DCDC2: variants seen among roughly 807,000 people sequenced by gnomAD.
The protein encoded by DCDC2 is doublecortin domain-containing protein 2.
In DCDC2, 40 loss-of-function variants were observed where a neutral mutation model predicts 50.2. That is an observed-to-expected ratio of 0.80 (90% confidence interval 0.62 to 1.04). The LOEUF is 1.04. Ranked by LOEUF, DCDC2 falls within the 50% of genes least tolerant of loss-of-function variation. The pLI, the probability that DCDC2 is intolerant of heterozygous loss-of-function variation, is 0.00. For missense variants in DCDC2, 570 were observed against 581.9 expected, an observed-to-expected ratio of 0.98 and a Z score of 0.21; for synonymous variants, 234 against 210.6, an observed-to-expected ratio of 1.11 and a Z score of -0.96.
At position 24,357,773 on chromosome 6, in the gene DCDC2, AGCTC is replaced by A; in HGVS notation, c.-27_-24del. On this transcript the variant is annotated 5_prime_UTR_variant, in exon 1 of 10. Transcript: ENST00000378454. ...CATCTTCCCCGCTGGCCGCCGCCTC[AGCTC>A]GCTGCTTCGCGTCGGGAGGCACCTC... The A allele has an allele frequency of 6.2e-7, 1 of 1,612,080 alleles. No individual in the cohort carries two copies. Among genetic ancestry groups the A allele is most frequent in the East Asian group, 2.2e-5 (1 of 44,864 alleles).
At chr6:24,210,211 T>A (rs1465164924) in intron 7 of DCDC2, among the ~76,000 whole-genome samples, 2 of 152,170 alleles carry the variant, frequency 1.3e-5, no homozygotes, top group African/African-American at 4.8e-5. Context: ...AGGTTCTCTA[T>A]CTACACACTT....
At chr6:24,203,052 CAT>C (rs1761623404) in intron 8 of DCDC2, among the ~76,000 whole-genome samples, 1 of 152,060 alleles carries the variant, frequency 6.6e-6, no homozygotes, top group Non-Finnish European at 1.5e-5. Context: ...TGAAAATGGC[CAT>C]ACTGCCCAAA....
At chr6:24,211,158 A>G (rs1415985116) in intron 7 of DCDC2, among the ~76,000 whole-genome samples, 1 of 152,048 alleles carries the variant, frequency 6.6e-6, no homozygotes, top group Non-Finnish European at 1.5e-5. Flanking sequence ...TCACTGTTCC[A>G]TCCCCAGCAC....
chr6:24,178,346 C>A lies in DCDC2; in HGVS notation c.1310G>T (p.Gly437Val). ...TAGAAATACCTCATCTTGTCCACTGCCAGCTCCTTGAGACTTTCTTTCCTT... is the reference window on the plus strand; with the variant it reads ...TAGAAATACCTCATCTTGTCCACTGACAGCTCCTTGAGACTTTCTTTCCTT... ...LDKERKSQGA[G>V]SGQDEADVDP... The change falls in exon 9 of 10, where the codon GGC (glycine) becomes GTC (valine). Residue 437 changes from glycine to valine, a missense_variant. Gly to Val is a moderately radical substitution (Grantham distance 109, BLOSUM62 -3). Coordinates refer to ENST00000378454, the MANE Select transcript of DCDC2 (RefSeq NM_016356.5). The A allele has an allele frequency of 6.2e-7, 1 of 1,613,570 alleles. No homozygotes were observed. Among genetic ancestry groups the A allele is most frequent in the African/African-American group, 1.3e-5 (1 of 75,018 alleles).
chr6:24,243,968 C>T (rs1276240881), intron 7 of DCDC2, among the ~76,000 whole-genome samples: 1 of 152,186 alleles, frequency 6.6e-6, no homozygotes, highest in African/African-American at 2.4e-5. Flanking sequence ...AGTCCCAATG[C>T]CTGTTTTTCA....
chr6:24,357,577 G>T lies in DCDC2; in HGVS notation c.174C>A (p.Pro58=), dbSNP rs776221806. 6.2e-7 allele frequency: 1 copy of T among 1,613,220 alleles called. No individual in the cohort carries two copies. The highest frequency in any genetic ancestry group is 1.3e-5 in the African/African-American group (1 of 74,840). ...TGTAGATGTTCCTGACGGCCCCAAA[G>T]GGTGCCTGAACGCCGCCGGTCACCT... The part of the protein sequence containing the change: ...LKEVTGGVQA[P]FGAVRNIYTP... Residue 58 remains proline (P), a synonymous_variant, in exon 1 of 10, where the codon CCC becomes CCA. Transcript: ENST00000378454.
At chr6:24,362,222 T>C (rs1301566284), upstream of DCDC2, among the ~76,000 whole-genome samples, 1 of 150,720 alleles carries the variant, frequency 6.6e-6, no homozygotes, top group Non-Finnish European at 1.5e-5. Flanking sequence ...TTTAATTGCA[T>C]ATTTATACAA....
intron 8 of DCDC2, among the ~76,000 whole-genome samples, chr6:24,201,645 C>T (rs1761589831): frequency 6.6e-6 from 1 of 152,050 alleles, no homozygotes; most frequent in Non-Finnish European, 1.5e-5. Flanking sequence ...CAAGAAATAA[C>T]TAAGATCCAA....
At chr6:24,376,779 AAAAG>A in the DCDC2 span, among the ~76,000 whole-genome samples, 2 of 148,996 alleles carry the variant, frequency 1.3e-5, no homozygotes, top group Middle Eastern at 3.2e-3. Flanking sequence ...GCTAGAAAAA[AAAAG>A]AAACAATTTT....
intron 7 of DCDC2, among the ~76,000 whole-genome samples, chr6:24,263,690 A>C (rs1763059252): frequency 6.6e-6 from 1 of 152,216 alleles, no homozygotes; most frequent in African/African-American, 2.4e-5. Flanking sequence ...CAGAGGAGAC[A>C]AACAAAAAAG....
chr6:24,362,906 T>C (rs1006830303), upstream of DCDC2, among the ~76,000 whole-genome samples: 1 of 152,158 alleles, frequency 6.6e-6, no homozygotes, highest in Admixed American at 6.5e-5. Context: ...GCTTGCTGAA[T>C]TGGTTTTGGA....
intron 2 of DCDC2, among the ~76,000 whole-genome samples, chr6:24,349,994 C>A (rs1224982998): frequency 6.6e-6 from 1 of 152,104 alleles, no homozygotes; most frequent in Non-Finnish European, 1.5e-5. Context: ...CCCCCCTCCA[C>A]CCCATTACTT....
At chr6:24,345,411 ACC>A (rs1760236471) in intron 2 of DCDC2, among the ~76,000 whole-genome samples, 1 of 152,148 alleles carries the variant, frequency 6.6e-6, no homozygotes, top group South Asian at 2.1e-4. Flanking sequence ...CTGAAGTACA[ACC>A]CGGGTTCCCA....
chr6:24,232,895 C>T (rs9295617), intron 7 of DCDC2, among the ~76,000 whole-genome samples: 2 of 152,012 alleles, frequency 1.3e-5, no homozygotes, highest in Non-Finnish European at 2.9e-5. Context: ...AGCTAGCCAA[C>T]TTTCCTTTCC....
intron 2 of DCDC2, among the ~76,000 whole-genome samples, chr6:24,306,068 A>C (rs61302362): frequency 6.6e-6 from 1 of 151,994 alleles, no homozygotes; most frequent in African/African-American, 2.4e-5. Flanking sequence ...GCTACTTGAA[A>C]TATGAGGGTA....
chr6:24,330,900 T>G (rs1228258500), intron 2 of DCDC2, among the ~76,000 whole-genome samples: 1 of 152,308 alleles, frequency 6.6e-6, no homozygotes, highest in East Asian at 1.9e-4. Flanking sequence ...AACTAGGCAT[T>G]TTTATCGTTT....
chr6:24,337,223 T>TA (rs1250432728), intron 2 of DCDC2, among the ~76,000 whole-genome samples: 2 of 152,054 alleles, frequency 1.3e-5, no homozygotes, highest in African/African-American at 4.8e-5. Flanking sequence ...AATAAATAAA[T>TA]AAAAAATGCA....
chr6:24,348,292 G>A (rs904384125), intron 2 of DCDC2, among the ~76,000 whole-genome samples: 2 of 152,158 alleles, frequency 1.3e-5, no homozygotes, highest in African/African-American at 4.8e-5. Flanking sequence ...GAAATTAAAA[G>A]AATCAGGGAT....
At chr6:24,329,826 G>A (rs939273211) in intron 2 of DCDC2, among the ~76,000 whole-genome samples, 2 of 152,096 alleles carry the variant, frequency 1.3e-5, no homozygotes, top group Non-Finnish European at 2.9e-5. Context: ...ATAAAAAAGG[G>A]GGCAGGCAGG....
Sources: allele counts gnomAD v4.1 joint callset (sites outside exome capture counted in the v4.1 genomes callset), GRCh38; gene constraint gnomAD v4.1.1; transcripts MANE v1.5; gene names NCBI Gene and HGNC (gene_info 2026-07-23, HGNC 2026-07-21).